The following DOCK4 variants were observed in gnomAD, a reference collection of about 807,000 sequenced individuals.
DOCK4 encodes dedicator of cytokinesis protein 4.
A neutral mutation model predicts 268.1 loss-of-function variants in DOCK4; 97 were observed. That is an observed-to-expected ratio of 0.36 (90% confidence interval 0.31 to 0.43). DOCK4 has a LOEUF of 0.43. DOCK4 is among the 20% of genes least tolerant of loss of function. DOCK4 has a pLI of 1.00. For synonymous variants in DOCK4, 954 were observed against 887.2 expected (o/e 1.08, Z -1.34); for missense variants, 2,145 against 2,455.7 (o/e 0.87, Z 2.67).
chr7:112,192,026 G>A (rs1819999614), intron 1 of DOCK4, among the ~76,000 whole-genome samples: 1 of 147,466 alleles, frequency 6.8e-6, no homozygotes, highest in African/African-American at 2.5e-5. Flanking sequence ...CTTAAACATA[G>A]TATAATTTAA....
intron 36 of DOCK4, among the ~76,000 whole-genome samples, chr7:111,776,884 A>G (rs1798477798): frequency 6.6e-6 from 1 of 152,104 alleles, no homozygotes; most frequent in African/African-American, 2.4e-5. Flanking sequence ...GCAGTGGTGC[A>G]ATTTTGGCTC....
intron 44 of DOCK4, 125 bp from the exon 45 acceptor site, chr7:111,742,257 G>A: frequency 9.8e-7 from 1 of 1,022,330 alleles, no homozygotes; most frequent in Non-Finnish European, 1.3e-6. Flanking sequence ...CCTCTGACAA[G>A]GTAGGAACAG....
chr7:112,018,179 A>AAAAACACACAC, intron 1 of DOCK4, among the ~76,000 whole-genome samples: 1 of 72,590 alleles, frequency 1.4e-5, no homozygotes, highest in African/African-American at 5.4e-5. Flanking sequence ...AAAAAAAAAA[A>AAAAACACACAC]ACACAGGCAA....
intron 8 of DOCK4, among the ~76,000 whole-genome samples, chr7:111,946,052 A>G (rs1031822382): frequency 6.6e-6 from 1 of 152,224 alleles, no homozygotes; most frequent in African/African-American, 2.4e-5. Context: ...GAAAGACTTG[A>G]ATACAATTTT....
chr7:111,990,525 C>T (rs141495521), intron 5 of DOCK4, among the ~76,000 whole-genome samples: 232 of 152,240 alleles, frequency 1.5e-3, no homozygotes, highest in Non-Finnish European at 2.9e-3. Flanking sequence ...AAAGTAGTGA[C>T]GTGTTATCTG....
At position 111,728,437 on chromosome 7, in the gene DOCK4, G is replaced by A; in HGVS notation, c.5765C>T (p.Pro1922Leu). 6.3e-7 allele frequency: 1 copy of A among 1,594,190 alleles called. No homozygotes were observed. Among genetic ancestry groups the A allele is most frequent in the Non-Finnish European group, 8.6e-7 (1 of 1,168,890 alleles). ...YSVYERTLRR[P>L]VPLPHSLSIP... ...GGAGAGGCTGTGAGGTAGCGGGACG[G>A]GGCGCCGCAGAGTCCGCTCGTAGAC... is the stretch of plus-strand genomic sequence containing the variant. Residue 1922 changes from proline (P) to leucine (L), a missense_variant, in exon 53 of 53, where the codon CCC becomes CTC. This residue lies in a region of DOCK4 where 547 missense variants were observed against 469.0 expected (regional missense o/e 1.17). Transcript: ENST00000428084.
At chr7:112,072,464 T>C (rs1301092807) in intron 1 of DOCK4, among the ~76,000 whole-genome samples, 5 of 152,168 alleles carry the variant, frequency 3.3e-5, no homozygotes, top group Non-Finnish European at 7.4e-5. Flanking sequence ...TTATATTTTG[T>C]TGGTAGGAAT....
chr7:111,739,461 G>C lies in DOCK4; in HGVS notation c.5057C>G (p.Ser1686Ter), dbSNP rs1795743248. The stretch of plus-strand genomic sequence containing the variant: ...AGCCGAGTGAGTAGAACTCAAGCTT[G>C]AGGTAGATGGACTTGGCTGGAAACA... ...VFNMQPSPST[S>*]SLSSTHSASP... is the part of the protein sequence containing the mutation. The change falls in exon 48 of 53, where the codon TCA becomes TGA. Residue 1686 changes from serine to a stop codon, truncating the protein, a stop_gained. Transcript: ENST00000428084. LOFTEE classifies it high-confidence loss of function. The C allele has an allele frequency of 6.4e-7, 1 of 1,568,406 alleles. No homozygotes were observed. The highest frequency in any genetic ancestry group is 8.6e-7 in the Non-Finnish European group (1 of 1,156,754).
intron 41 of DOCK4, 49 bp downstream of exon 41, chr7:111,758,575 G>A: frequency 8.8e-6 from 14 of 1,596,124 alleles, no homozygotes; most frequent in Non-Finnish European, 1.2e-5. Context: ...GCCCCAAGGG[G>A]CTCGCAGTCT....
intron 1 of DOCK4, among the ~76,000 whole-genome samples, chr7:112,198,360 G>A (rs144377352): frequency 0.01 from 1,570 of 152,242 alleles, 16 homozygotes; most frequent in Middle Eastern, 0.054. Context: ...CTAGCCTGCG[G>A]AACTGTGAGA....
In DOCK4 at chr7:111,884,876, G is replaced by A. The variant is rs535593659; in HGVS notation, c.1588-7690C>T. On this transcript the variant is annotated intron_variant, in intron 16 of 52. Coordinates refer to ENST00000428084, the MANE Select transcript of DOCK4 (RefSeq NM_001363540.2). ...AATAATACAAATGAGGTTCTAGAAG[G>A]TAGACTTGTAAGGCAGAAACAGCTG... 2.0e-5 allele frequency among the ~76,000 whole-genome samples: 3 copies of A among 152,302 alleles called. No individual in the cohort carries two copies. In the South Asian group the frequency reaches 6.2e-4, roughly 32 times the overall value.
In DOCK4 at chr7:112,200,725, T is replaced by TAAAAAAAAAAAAA. The variant is rs1335683859; in HGVS notation, c.37+5364_37+5376dup. On this transcript the variant is annotated intron_variant, in intron 1 of 52. Transcript: ENST00000428084. ...CTAGCTACCATAACAGCCTCTAAAA[T>TAAAAAAAAAAAAA]AAAAAAAAAAAAACAAAAAAAAACA... 4.3e-4 allele frequency among the ~76,000 whole-genome samples: 44 copies of TAAAAAAAAAAAAA among 102,750 alleles called. 2 individuals are homozygous for TAAAAAAAAAAAAA. The highest frequency in any genetic ancestry group is 9.7e-4 in the East Asian group (3 of 3,078). 67.4% of individuals were successfully genotyped at this position (102,750 alleles called of 152,430 possible).
chr7:112,059,134 CTTTTTTTTTTTTTTT>C (rs572050793), intron 1 of DOCK4, among the ~76,000 whole-genome samples: 1 of 99,000 alleles, frequency 1.0e-5, no homozygotes, highest in East Asian at 2.9e-4. Context: ...GCAGCATTTC[CTTTTTTTTTTTTTTT>C]TTTTTTTTTT....
chr7:111,911,566 T>C (rs1376809272), intron 13 of DOCK4, among the ~76,000 whole-genome samples: 1 of 152,204 alleles, frequency 6.6e-6, no homozygotes, highest in Non-Finnish European at 1.5e-5. Context: ...ACAATTTTCC[T>C]GGACAGTGTA....
intron 1 of DOCK4, among the ~76,000 whole-genome samples, chr7:112,084,267 T>G (rs563238002): frequency 6.6e-6 from 1 of 152,210 alleles, no homozygotes; most frequent in Non-Finnish European, 1.5e-5. Context: ...AGCTGACTGA[T>G]GCAATCATAA....
Position 111,741,172 on chromosome 7 carries a change from T to A in DOCK4, c.4962A>T (p.Ser1654=), listed in dbSNP as rs765961986. ...CTTCAGCAGAAGCTTGTGAGGACAG[T>A]GAGGAGGAAGAATATCGGTTGACAG... The part of the protein sequence containing the change: ...YPAVNRYSSS[S]LSSQASAEVS... The change falls in exon 47 of 53, where the codon TCA becomes TCT. Residue 1654 remains serine, a synonymous_variant. Coordinates refer to ENST00000428084, the MANE Select transcript of DOCK4 (RefSeq NM_001363540.2). 6.2e-7 allele frequency: 1 copy of A among 1,613,710 alleles called. No individual in the cohort carries two copies. Among genetic ancestry groups the A allele is most frequent in the Non-Finnish European group, 8.5e-7 (1 of 1,179,846 alleles).
intron 1 of DOCK4, among the ~76,000 whole-genome samples, chr7:112,191,879 T>C (rs1819982441): frequency 6.6e-6 from 1 of 151,470 alleles, no homozygotes; most frequent in East Asian, 1.9e-4. Flanking sequence ...GCCTGCCCAC[T>C]CTTATTTTTC....
chr7:111,921,970 G>C (rs1225696850), intron 12 of DOCK4, among the ~76,000 whole-genome samples: 2 of 152,094 alleles, frequency 1.3e-5, no homozygotes, highest in Non-Finnish European at 2.9e-5. Flanking sequence ...GGTTTCAAAG[G>C]CAAATATGTC....
chr7:111,833,798 A>G (rs955120043), intron 26 of DOCK4, among the ~76,000 whole-genome samples: 4 of 152,208 alleles, frequency 2.6e-5, no homozygotes, highest in Admixed American at 1.3e-4. Context: ...AGGCACTGGG[A>G]AGGCTTCCAA....
Sources: allele counts gnomAD v4.1 joint callset (sites outside exome capture counted in the v4.1 genomes callset), GRCh38; gene constraint gnomAD v4.1.1; regional missense constraint gnomAD v4.1.1; transcripts MANE v1.5; gene names NCBI Gene and HGNC (gene_info 2026-07-23, HGNC 2026-07-21).